TBL1XR1: variants seen among roughly 807,000 people sequenced by gnomAD.
TBL1XR1 encodes the protein F-box-like/WD repeat-containing protein TBL1XR1.
TBL1XR1 carries 5 observed loss-of-function variants against 66.9 expected under a neutral mutation model. The observed-to-expected ratio is 0.07, with a 90% CI of 0.04 to 0.16. The LOEUF (loss-of-function observed/expected upper bound fraction) is 0.16. TBL1XR1 is among the 10% of genes least tolerant of loss of function. The pLI is 1.00. For synonymous variants in TBL1XR1, 210 were observed against 206.0 expected (o/e 1.02, Z -0.17); for missense variants, 238 against 623.2 (o/e 0.38, Z 6.58).
chr3:177,138,403 T>A (rs1729242065), intron 1 of TBL1XR1, among the ~76,000 whole-genome samples: 1 of 152,178 alleles, frequency 6.6e-6, no homozygotes, highest in Admixed American at 6.5e-5. Context: ...GAGGCCAGCC[T>A]GGGCAACATG....
intron 2 of TBL1XR1, among the ~76,000 whole-genome samples, chr3:177,079,040 T>C (rs1577098510): frequency 2.0e-5 from 3 of 152,174 alleles, no homozygotes; most frequent in South Asian, 2.1e-4. Flanking sequence ...ACCTAAAACA[T>C]AAATCTGTGT....
chr3:177,076,736 C>A (rs531164298), intron 2 of TBL1XR1, among the ~76,000 whole-genome samples: 3 of 152,128 alleles, frequency 2.0e-5, no homozygotes, highest in Admixed American at 6.5e-5. Context: ...CAAAACTAAC[C>A]CTAATAATGG....
At chr3:177,185,410 A>C (rs1735285639) in intron 1 of TBL1XR1, among the ~76,000 whole-genome samples, 1 of 152,086 alleles carries the variant, frequency 6.6e-6, no homozygotes, top group Non-Finnish European at 1.5e-5. Context: ...GGATTTCAAG[A>C]CCAGCCTGGC....
chr3:177,139,922 C>T (rs4642142), intron 1 of TBL1XR1, among the ~76,000 whole-genome samples: 149,784 of 152,340 alleles, frequency 0.98, 73,647 homozygotes, highest in Middle Eastern at 1. Flanking sequence ...AGAACAAAAC[C>T]AGGATCACCT....
chr3:177,063,296 C>T (rs1224402734), intron 3 of TBL1XR1, among the ~76,000 whole-genome samples: 1 of 152,190 alleles, frequency 6.6e-6, no homozygotes, highest in Non-Finnish European at 1.5e-5. Context: ...ATTAACACCA[C>T]TGAACGACAA....
chr3:177,163,963 T>C (rs183427424), intron 1 of TBL1XR1: 10 of 152,292 alleles, frequency 6.6e-5, no homozygotes, highest in Admixed American at 1.3e-4. Flanking sequence ...AAAAAGAATA[T>C]ATACCTTTAC....
intron 1 of TBL1XR1, among the ~76,000 whole-genome samples, chr3:177,143,083 T>C (rs1042222602): frequency 3.3e-5 from 5 of 151,334 alleles, no homozygotes; most frequent in Non-Finnish European, 7.4e-5. Context: ...TATTGCTAAG[T>C]ACAAAAAGGC....
At chr3:177,051,170 G>A (rs1406227795) in intron 5 of TBL1XR1, among the ~76,000 whole-genome samples, 3 of 152,156 alleles carry the variant, frequency 2.0e-5, no homozygotes, top group Admixed American at 2.0e-4. Context: ...GAATTGAACT[G>A]TGTGATACAA....
rs866244094 is a variant in TBL1XR1, at chr3:177,197,235, G to A, written c.-236C>T. 8.5e-5 allele frequency: 13 copies of A among 152,224 alleles called. No homozygotes were observed. Among genetic ancestry groups the A allele is most frequent in the South Asian group, 3.6e-4 (2 of 5,534 alleles). 9.4% of individuals were successfully genotyped at this position (152,224 alleles called of 1,614,324 possible). A position where few individuals can be genotyped will look rare whatever the true frequency, so the allele number is the denominator to read the frequency against. On this transcript the variant is annotated 5_prime_UTR_variant, in exon 1 of 16. Transcript: ENST00000457928. Reference sequence around the variant, plus strand: ...CAACCACCCCCAAAATAACCCCTCCGGGGGGTGAGAGGCAATTATAACCCC... The same window carrying A: ...CAACCACCCCCAAAATAACCCCTCCAGGGGGTGAGAGGCAATTATAACCCC...
At chr3:177,105,574 T>G (rs576308604) in intron 1 of TBL1XR1, among the ~76,000 whole-genome samples, 97 of 152,238 alleles carry the variant, frequency 6.4e-4, no homozygotes, top group Admixed American at 1.6e-3. Context: ...CTAATTAGGC[T>G]ACAACACACA....
intron 1 of TBL1XR1, among the ~76,000 whole-genome samples, chr3:177,109,919 T>A (rs1725347497): frequency 1.3e-5 from 2 of 152,160 alleles, no homozygotes; most frequent in South Asian, 2.1e-4. Flanking sequence ...GACAATGATG[T>A]ATGAAGACGT....
intron 1 of TBL1XR1, among the ~76,000 whole-genome samples, chr3:177,147,423 T>C (rs1331744092): frequency 1.3e-5 from 2 of 152,216 alleles, no homozygotes; most frequent in African/African-American, 4.8e-5. Context: ...GCACTGATTT[T>C]TTCCTAACCA....
chr3:177,073,806 C>T (rs1720344653), intron 2 of TBL1XR1, among the ~76,000 whole-genome samples: 1 of 152,314 alleles, frequency 6.6e-6, no homozygotes, highest in African/African-American at 2.4e-5. Context: ...ACTGCTCCCG[C>T]AACACACTGT....
chr3:177,124,445 G>T (rs1727361308), intron 1 of TBL1XR1, among the ~76,000 whole-genome samples: 1 of 151,174 alleles, frequency 6.6e-6, no homozygotes, highest in South Asian at 2.1e-4. Context: ...CAAGTTATTA[G>T]ACAGTTCTAT....
rs34088211 is a variant in TBL1XR1 at position 177,147,969 on chromosome 3, G to C, written c.-122+49152C>G. On this transcript the variant is annotated intron_variant, in intron 1 of 15. Coordinates refer to ENST00000457928, the MANE Select transcript of TBL1XR1 (RefSeq NM_024665.7). Reference sequence around the variant, plus strand: ...TTCACAGGGGACACAGAGCTACCTGGTAGCAATATGGTAACACCCAGAATC... The same window carrying C: ...TTCACAGGGGACACAGAGCTACCTGCTAGCAATATGGTAACACCCAGAATC... Among the ~76,000 whole-genome samples the C allele has an allele frequency of 2.4e-4, 36 of 152,320 alleles. No individual in the cohort carries two copies. In the East Asian group the frequency reaches 6.9e-3, roughly 29 times the overall value.
intron 2 of TBL1XR1, among the ~76,000 whole-genome samples, chr3:177,073,628 A>G (rs1255181364): frequency 6.6e-6 from 1 of 152,276 alleles, no homozygotes; most frequent in East Asian, 1.9e-4. Flanking sequence ...TGAGTACTAC[A>G]CTACACGCCT....
chr3:177,027,637 C>A (rs546714805), intron 14 of TBL1XR1: 24 of 152,218 alleles, frequency 1.6e-4, no homozygotes, highest in African/African-American at 5.1e-4. Context: ...TGGCAACAAA[C>A]CATGCACCTT....
chr3:177,161,677 G>T (rs568907759), intron 1 of TBL1XR1, among the ~76,000 whole-genome samples: 1 of 151,834 alleles, frequency 6.6e-6, no homozygotes, highest in Non-Finnish European at 1.5e-5. Context: ...CCAGCTACTC[G>T]GGAGGCTGAT....
chr3:177,046,481 A>G (rs978489461), intron 9 of TBL1XR1, among the ~76,000 whole-genome samples: 6 of 152,144 alleles, frequency 3.9e-5, no homozygotes. Flanking sequence ...ACTCCATTGT[A>G]ATAGTACATT....
Sources: gnomAD v4.1 joint callset for allele counts (sites outside exome capture counted in the v4.1 genomes callset) on GRCh38, gnomAD v4.1.1 for gene constraint, MANE v1.5 for transcripts, NCBI Gene and HGNC (gene_info 2026-07-23, HGNC 2026-07-21) for gene names.